CSMD1: variants seen among roughly 807,000 people sequenced by gnomAD.
CSMD1 encodes CUB and sushi domain-containing protein 1.
In CSMD1, 213 loss-of-function variants were observed where a neutral mutation model predicts 417.5. The ratio of observed to expected loss-of-function variants is 0.51; its 90% CI spans 0.46 to 0.57. The LOEUF (loss-of-function observed/expected upper bound fraction) is 0.57. Among genes scored for constraint, CSMD1 ranks in the 20% least tolerant of loss-of-function variants. CSMD1 has a pLI of 0.00. For synonymous variants in CSMD1, 2,862 were observed against 1,736.8 expected (o/e 1.65, Z -16.11); for missense variants, 6,923 against 4,529.7 (o/e 1.53, Z -15.17).
intron 3 of CSMD1, among the ~76,000 whole-genome samples, chr8:4,286,047 T>G (rs561323299): frequency 6.6e-6 from 1 of 152,286 alleles, no homozygotes; most frequent in South Asian, 2.1e-4. Flanking sequence ...GTGGAATTTG[T>G]AGTTACATCC....
At chr8:4,608,211 G>A (rs1176754583) in intron 2 of CSMD1, among the ~76,000 whole-genome samples, 1 of 152,162 alleles carries the variant, frequency 6.6e-6, no homozygotes, top group Non-Finnish European at 1.5e-5. Flanking sequence ...CCAAAGGGGT[G>A]GAAATCCATG....
intron 18 of CSMD1, among the ~76,000 whole-genome samples, chr8:3,378,264 A>T (rs1341015983): frequency 3.3e-5 from 5 of 152,192 alleles, no homozygotes; most frequent in Non-Finnish European, 5.9e-5. Context: ...TTAATAGCCT[A>T]CCAACTAAAA....
At chr8:4,103,386 C>T (rs1409006651) in intron 3 of CSMD1, among the ~76,000 whole-genome samples, 2 of 151,292 alleles carry the variant, frequency 1.3e-5, no homozygotes, top group Admixed American at 6.6e-5. Context: ...TTCAGGGAAC[C>T]ATTGGCCAAA....
At chr8:3,044,570 T>C (rs1811312555) in intron 50 of CSMD1, among the ~76,000 whole-genome samples, 1 of 152,104 alleles carries the variant, frequency 6.6e-6, no homozygotes. Flanking sequence ...ACTTCTTTCA[T>C]CATGTCATTA....
chr8:4,931,088 A>G (rs971545779), intron 1 of CSMD1, among the ~76,000 whole-genome samples: 2 of 152,226 alleles, frequency 1.3e-5, no homozygotes, highest in East Asian at 1.9e-4. Context: ...AATTCAGGCA[A>G]TTATATAGAT....
intron 3 of CSMD1, among the ~76,000 whole-genome samples, chr8:4,032,899 T>C (rs2688364): frequency 0.8 from 121,079 of 151,960 alleles, 48,599 homozygotes; most frequent in East Asian, 0.99. Context: ...GATGGGGCAG[T>C]CAGACATGCC....
chr8:3,954,366 T>A (rs1218153268), intron 5 of CSMD1, among the ~76,000 whole-genome samples: 1 of 150,064 alleles, frequency 6.7e-6, no homozygotes, highest in Non-Finnish European at 1.5e-5. Flanking sequence ...ATCCTAGGAC[T>A]TTTTTTTCTT....
intron 3 of CSMD1, among the ~76,000 whole-genome samples, chr8:4,283,479 T>A (rs1262653718): frequency 1.3e-5 from 2 of 152,238 alleles, no homozygotes; most frequent in Non-Finnish European, 2.9e-5. Context: ...TCCCACTTTG[T>A]ACCAATATAT....
chr8:3,134,263 G>A (rs533376872), intron 41 of CSMD1, among the ~76,000 whole-genome samples: 2 of 152,196 alleles, frequency 1.3e-5, no homozygotes, highest in African/African-American at 2.4e-5. Flanking sequence ...TCAAGGGCAA[G>A]GGTTCTGATG....
At chr8:4,962,167 T>C (rs1809535807) in intron 1 of CSMD1, among the ~76,000 whole-genome samples, 1 of 149,814 alleles carries the variant, frequency 6.7e-6, no homozygotes, top group Non-Finnish European at 1.5e-5. Context: ...CACAAAACAA[T>C]AATATAAATG....
At chr8:4,471,039 G>A (rs1192992480) in intron 2 of CSMD1, among the ~76,000 whole-genome samples, 2 of 152,014 alleles carry the variant, frequency 1.3e-5, no homozygotes, top group African/African-American at 4.8e-5. Context: ...TTTTGAACTT[G>A]CAAGGTCTAA....
intron 2 of CSMD1, among the ~76,000 whole-genome samples, chr8:4,537,333 G>C (rs779312259): frequency 1.3e-5 from 2 of 152,168 alleles, no homozygotes; most frequent in Non-Finnish European, 2.9e-5. Flanking sequence ...CTTAATAAAT[G>C]CTAAAATGAG....
At chr8:3,499,128 G>C (rs1796487598) in intron 10 of CSMD1, among the ~76,000 whole-genome samples, 4 of 152,264 alleles carry the variant, frequency 2.6e-5, no homozygotes, top group Non-Finnish European at 2.9e-5. Context: ...CCTAATATTA[G>C]AATGTAGTTT....
chr8:3,616,533 T>C (rs904776863), intron 8 of CSMD1, among the ~76,000 whole-genome samples, 177 bp downstream of exon 8: 3 of 152,142 alleles, frequency 2.0e-5, no homozygotes, highest in Admixed American at 1.3e-4. Flanking sequence ...TTTTAACAGA[T>C]TATAAACAAA....
At position 4,818,080 on chromosome 8, in the gene CSMD1, T is replaced by G. The variant is rs542818705; in HGVS notation, c.85+176252A>C. Among the ~76,000 whole-genome samples, 4 of 152,278 alleles carry G rather than the reference T, an allele frequency of 2.6e-5. No individual in the cohort carries two copies. The East Asian group carries it at 7.7e-4, about 29-fold the overall frequency. On this transcript the variant is annotated intron_variant, in intron 1 of 69. Transcript: ENST00000635120. Reference sequence around the variant, plus strand: ...TTGCAAGGTAACCAACTCAGGAGGATGCATTGAACTGAACACATGTAATAC... The same window carrying G: ...TTGCAAGGTAACCAACTCAGGAGGAGGCATTGAACTGAACACATGTAATAC...
At chr8:4,352,316 C>T (rs552925898) in intron 3 of CSMD1, among the ~76,000 whole-genome samples, 2 of 152,126 alleles carry the variant, frequency 1.3e-5, no homozygotes, top group African/African-American at 4.8e-5. Context: ...ACTATCTATG[C>T]CATCATAAAA....
At chr8:4,104,820 T>C (rs548192723) in intron 3 of CSMD1, among the ~76,000 whole-genome samples, 3 of 152,196 alleles carry the variant, frequency 2.0e-5, no homozygotes, top group East Asian at 1.9e-4. Context: ...TGTCTTTAAA[T>C]GTTTCCTTGA....
chr8:4,969,745 A>T (rs1199419345), intron 1 of CSMD1, among the ~76,000 whole-genome samples: 1 of 152,000 alleles, frequency 6.6e-6, no homozygotes, highest in Non-Finnish European at 1.5e-5. Flanking sequence ...ACTATGCTCC[A>T]CTGTTTTGAT....
At chr8:3,250,123 A>G (rs1800156595) in intron 26 of CSMD1, among the ~76,000 whole-genome samples, 1 of 152,214 alleles carries the variant, frequency 6.6e-6, no homozygotes, top group Non-Finnish European at 1.5e-5. Context: ...TTTGTTACAT[A>G]TATATACATG....
Sources: allele counts gnomAD v4.1 joint callset (sites outside exome capture counted in the v4.1 genomes callset), GRCh38; gene constraint gnomAD v4.1.1; transcripts MANE v1.5; gene names NCBI Gene and HGNC (gene_info 2026-07-23, HGNC 2026-07-21).